The following SHF variants were observed in gnomAD, a reference collection of about 807,000 sequenced individuals.
SHF encodes SH2 domain-containing adapter protein F.
A neutral mutation model predicts 42.4 loss-of-function variants in SHF; 30 were observed. The ratio of observed to expected loss-of-function variants is 0.71; its 90% confidence interval spans 0.53 to 0.96. The LOEUF is 0.96. Ranked by LOEUF, SHF falls within the 40% of genes least tolerant of loss-of-function variation. SHF has a pLI of 0.00. For missense variants in SHF, 598 were observed against 634.0 expected (o/e 0.94, Z 0.61); for synonymous variants, 264 against 269.9 (o/e 0.98, Z 0.21).
chr15:45,196,544 C>T lies in SHF; in HGVS notation c.303+2228G>A, dbSNP rs527572408. ...TCCTAGGTCCTTCCTAGCATTTCAT[C>T]GAAGCCCCAAGTCAGTTGCTTTTAC... is the stretch of plus-strand genomic sequence containing the variant. On this transcript the variant is annotated intron_variant, in intron 2 of 7. Coordinates refer to the SHF transcript ENST00000290894. Among the ~76,000 whole-genome samples the T allele has an allele frequency of 2.6e-5, 4 of 152,306 alleles. No homozygotes were observed. In the East Asian group the frequency reaches 7.7e-4, roughly 29 times the overall value.
chr15:45,172,922 C>G (rs1323322573), intron 4 of SHF, among the ~76,000 whole-genome samples: 1 of 152,106 alleles, frequency 6.6e-6, no homozygotes, highest in Non-Finnish European at 1.5e-5. Flanking sequence ...ACCAGGGGAG[C>G]CTGATGGCTG....
At chr15:45,191,542 G>C (rs931203741), upstream of SHF, among the ~76,000 whole-genome samples, 1 of 152,180 alleles carries the variant, frequency 6.6e-6, no homozygotes. Flanking sequence ...GATTCTGTAA[G>C]GAAGCATGGG....
chr15:45,174,669 T>C (rs1897699297), intron 3 of SHF, among the ~76,000 whole-genome samples: 2 of 152,152 alleles, frequency 1.3e-5, no homozygotes, highest in African/African-American at 4.8e-5. Context: ...ATGGTGGACT[T>C]GGACTTGGGA....
chr15:45,196,843 G>T (rs1898880480), intron 2 of SHF, among the ~76,000 whole-genome samples: 1 of 149,462 alleles, frequency 6.7e-6, no homozygotes, highest in East Asian at 2.0e-4. Flanking sequence ...AGCTTGCAGT[G>T]AGCCAAGATT....
intron 2 of SHF, among the ~76,000 whole-genome samples, chr15:45,194,046 G>A (rs1898790369): frequency 6.8e-6 from 1 of 146,196 alleles, no homozygotes; most frequent in Non-Finnish European, 1.5e-5. Flanking sequence ...AGGTTGCTAT[G>A]AGCCAAGATC....
In SHF at chr15:45,178,182, G is replaced by C; in HGVS notation, c.623C>G (p.Ala208Gly). Residue 208 changes from alanine (A) to glycine (G), a missense_variant, in exon 2 of 7, where the codon GCT (alanine) becomes GGT (glycine). Physicochemically the swap from Ala to Gly is moderately conservative, Grantham distance 60. Around this residue, in one of 2 missense-constraint regions of SHF, gnomAD observed 439 missense variants for 524.6 expected, o/e 0.84. Coordinates refer to ENST00000690270, the MANE Select transcript of SHF (RefSeq NM_001394037.1). ...TCACTCACCGGCCATCATCTTTTGA[G>C]CCTCATAGGGCTCCATGTAGCCATC... is the stretch of plus-strand genomic sequence containing the variant. Reference protein sequence around the residue: ...ENDGYMEPYEAQKMMAEIRGS... With the variant: ...ENDGYMEPYEGQKMMAEIRGS... The C allele has an allele frequency of 8.7e-6, 14 of 1,613,032 alleles. No individual in the cohort carries two copies. Among genetic ancestry groups the C allele is most frequent in the Non-Finnish European group, 1.1e-5 (13 of 1,179,874 alleles).
chr15:45,199,692 G>A (rs1488613118), intron 1 of SHF, among the ~76,000 whole-genome samples: 2 of 152,122 alleles, frequency 1.3e-5, no homozygotes, highest in African/African-American at 4.8e-5. Flanking sequence ...TCAGGCCAGA[G>A]CCTTTGGGCG....
chr15:45,176,128 A>G (rs750963649), intron 2 of SHF, among the ~76,000 whole-genome samples: 1 of 151,974 alleles, frequency 6.6e-6, no homozygotes, highest in East Asian at 1.9e-4. Flanking sequence ...CCCGCAAGTG[A>G]TATCATTTGA....
At chr15:45,194,606 C>T (rs2141448256) in intron 2 of SHF, among the ~76,000 whole-genome samples, 1 of 152,200 alleles carries the variant, frequency 6.6e-6, no homozygotes, top group Non-Finnish European at 1.5e-5. Context: ...CCCACCTCAG[C>T]CTCCCAAAGT....
chr15:45,178,467 C>T (rs1402606313), intron 1 of SHF, among the ~76,000 whole-genome samples, 161 bp from the exon 2 acceptor site: 1 of 152,006 alleles, frequency 6.6e-6, no homozygotes, highest in Non-Finnish European at 1.5e-5. Context: ...TGGGGACAAG[C>T]TCTGGCTCTT....
chr15:45,171,506 A>C (rs1897485517), intron 6 of SHF: 1 of 211,102 alleles, frequency 4.7e-6, no homozygotes, highest in Admixed American at 5.1e-5. Context: ...TTCCATTAAT[A>C]ATGACAGTGA....
chr15:45,171,331 C>G (rs1897475908), intron 6 of SHF: 1 of 154,300 alleles, frequency 6.5e-6, no homozygotes, highest in African/African-American at 2.4e-5. Flanking sequence ...CACCCCCCAT[C>G]CCCGAACACA....
intron 1 of SHF, among the ~76,000 whole-genome samples, chr15:45,185,718 G>A (rs575583525): frequency 1.3e-5 from 2 of 152,370 alleles, no homozygotes; most frequent in African/African-American, 4.8e-5. Context: ...TTGGCAAGAA[G>A]AGGCTGTGAG....
chr15:45,170,650 T>C (rs950892853), intron 6 of SHF: 6,897 of 269,164 alleles, frequency 0.026, no homozygotes, highest in South Asian at 0.045. Flanking sequence ...TTTTTCTTTT[T>C]TTTTTTTTTT....
At chr15:45,169,074 G>A (rs1475545307) in intron 6 of SHF, among the ~76,000 whole-genome samples, 1 of 152,212 alleles carries the variant, frequency 6.6e-6, no homozygotes, top group Non-Finnish European at 1.5e-5. Flanking sequence ...TGAAGCCTAA[G>A]TGTTATATAC....
exon 1 of SHF, chr15:45,200,852 G>A (rs1899067499): frequency 2.2e-6 from 1 of 456,196 alleles, no homozygotes; most frequent in African/African-American, 2.0e-5. Flanking sequence ...GTGAGCGTCA[G>A]AGAGACTTTG....
chr15:45,188,428 A>G (rs1187013285), upstream of SHF, among the ~76,000 whole-genome samples: 1 of 152,198 alleles, frequency 6.6e-6, no homozygotes, highest in Admixed American at 6.5e-5. Flanking sequence ...AAAAGGGGCT[A>G]GGTTCTGTAA....
intron 5 of SHF, 69 bp downstream of exon 5, chr15:45,172,078 C>T: frequency 6.2e-7 from 1 of 1,613,824 alleles, no homozygotes. Context: ...GTGGGTGTCC[C>T]CTGTAGGGAA....
intron 1 of SHF, among the ~76,000 whole-genome samples, chr15:45,180,528 G>A (rs1288221426): frequency 6.6e-6 from 1 of 152,252 alleles, no homozygotes; most frequent in Non-Finnish European, 1.5e-5. Flanking sequence ...TGCAGTTGAA[G>A]AGATTTGAAA....
Sources: allele counts gnomAD v4.1 joint callset (sites outside exome capture counted in the v4.1 genomes callset), GRCh38; gene constraint gnomAD v4.1.1; regional missense constraint gnomAD v4.1.1; transcripts MANE v1.5; gene names NCBI Gene and HGNC (gene_info 2026-07-23, HGNC 2026-07-21).